Variants in LPA observed in about 807,000 individuals in gnomAD.
The protein encoded by LPA is apolipoprotein(a).
LPA carries 199 observed loss-of-function variants against 197.9 expected under a neutral mutation model. The ratio of observed to expected loss-of-function variants is 1.01; its 90% CI spans 0.90 to 1.13. LPA has a LOEUF of 1.13. Among genes scored for constraint, LPA ranks in the 50% most tolerant of loss-of-function variants. The pLI, the probability that LPA is intolerant of heterozygous loss-of-function variation, is 0.00. For synonymous variants in LPA, 715 were observed against 639.5 expected, an observed-to-expected ratio of 1.12 and a Z score of -1.78; for missense variants, 1,853 against 1,785.8, an observed-to-expected ratio of 1.04 and a Z score of -0.68.
intron 1 of LPA, 45 bp from the exon 2 acceptor site, chr6:160,650,542 A>C: frequency 6.3e-7 from 1 of 1,596,948 alleles, no homozygotes; most frequent in Non-Finnish European, 8.6e-7. Flanking sequence ...TTCTTAGAAC[A>C]GAAAAAAATG....
chr6:160,531,800 T>C lies in LPA; in HGVS notation c.6052A>G (p.Asn2018Asp). The change falls in exon 39 of 39, where the codon AAT becomes GAT. Residue 2018 changes from asparagine (N) to aspartate (D), a missense_variant. By Grantham distance (23) the Asn-to-Asp change is conservative (BLOSUM62 1). This residue lies in a region of LPA where 1,737 missense variants were observed against 1,504.4 expected (regional missense o/e 1.15). Coordinates refer to ENST00000316300, the MANE Select transcript of LPA (RefSeq NM_005577.4). ...TSWGLGCARP[N>D]KPGVYARVSR... ...ACACGAGCATAGACACCAGGCTTAT[T>C]GGGGCGTGCACAGCCAAGACCCCAA... is the stretch of plus-strand genomic sequence containing the variant. 1 of 1,614,152 alleles carries C rather than the reference T, an allele frequency of 6.2e-7. No individual in the cohort carries two copies. Among genetic ancestry groups the C allele is most frequent in the Non-Finnish European group, 8.5e-7 (1 of 1,179,994 alleles).
intron 28 of LPA, among the ~76,000 whole-genome samples, chr6:160,575,750 T>A (rs1778643165): frequency 6.6e-6 from 1 of 152,190 alleles, no homozygotes; most frequent in Non-Finnish European, 1.5e-5. Flanking sequence ...TTGAACTCAT[T>A]GTTCCCTTGT....
chr6:160,563,464 G>A (rs1444474605), intron 28 of LPA, among the ~76,000 whole-genome samples: 1 of 152,184 alleles, frequency 6.6e-6, no homozygotes, highest in East Asian at 1.9e-4. Flanking sequence ...TACGGCATTT[G>A]CTGAGAAGTG....
At chr6:160,552,862 C>T (rs1778188011) in intron 30 of LPA, among the ~76,000 whole-genome samples, 1 of 152,126 alleles carries the variant, frequency 6.6e-6, no homozygotes, top group Admixed American at 6.5e-5. Context: ...CAGTTTGTGT[C>T]TACAATAATG....
At position 160,611,594 on chromosome 6, in the gene LPA, C is replaced by T. The variant is rs369002488; in HGVS notation, c.2571G>A (p.Ser857=). 3.8e-5 allele frequency: 61 copies of T among 1,602,902 alleles called. 1 individual carries two copies. The African/African-American group carries it at 4.4e-4, about 12-fold the overall frequency. Residue 857 remains serine (S), a synonymous_variant, in exon 16 of 39, where the codon TCG becomes TCA. Coordinates refer to ENST00000316300, the MANE Select transcript of LPA (RefSeq NM_005577.4). ...GGTAGTATTCTGGGGTCCGACTATG[C>T]GAGTGTGGTGTCATAGATGACCAAG... ...CQAWSSMTPH[S]HSRTPEYYPN...
chr6:160,562,728 A>G (rs1007299922), intron 28 of LPA, among the ~76,000 whole-genome samples: 6 of 152,196 alleles, frequency 3.9e-5, no homozygotes, highest in Non-Finnish European at 1.5e-5. Context: ...GCTATTAATT[A>G]CTGCCTCGAT....
chr6:160,535,256 T>C (rs1469047088), intron 37 of LPA, among the ~76,000 whole-genome samples: 2 of 1,840 alleles, frequency 1.1e-3, no homozygotes, highest in South Asian at 0.011. Flanking sequence ...GCAGTGATAA[T>C]GGCAGTGGTG....
At chr6:160,567,568 C>T (rs1047972930) in intron 28 of LPA, among the ~76,000 whole-genome samples, 1 of 152,140 alleles carries the variant, frequency 6.6e-6, no homozygotes, top group Non-Finnish European at 1.5e-5. Context: ...GACACCCTAA[C>T]ATCACCATTA....
chr6:160,595,327 G>T, intron 21 of LPA, 27 bp downstream of exon 21: 2 of 1,610,236 alleles, frequency 1.2e-6, no homozygotes, highest in Admixed American at 1.7e-5. Flanking sequence ...GTCCTAGGGT[G>T]TGGTTGTCTG....
At chr6:160,571,598 C>T (rs1583586866) in intron 28 of LPA, among the ~76,000 whole-genome samples, 2 of 152,324 alleles carry the variant, frequency 1.3e-5, no homozygotes, top group Middle Eastern at 3.4e-3. Flanking sequence ...TAGAGAGGCA[C>T]TCTTGCTACA....
chr6:160,652,455 TA>T (rs775662297), intron 1 of LPA, among the ~76,000 whole-genome samples: 10 of 152,082 alleles, frequency 6.6e-5, no homozygotes, highest in African/African-American at 1.4e-4. Context: ...AAATCACTTT[TA>T]AAAACTGAAG....
chr6:160,601,192 T>A, intron 18 of LPA, 94 bp from the exon 19 acceptor site: 1 of 1,088,938 alleles, frequency 9.2e-7, no homozygotes, highest in Admixed American at 1.7e-5. Flanking sequence ...CTGGTGCCTT[T>A]GAAATATTCC....
At chr6:160,610,620 C>A (rs754358898) in intron 16 of LPA, among the ~76,000 whole-genome samples, 1 of 152,256 alleles carries the variant, frequency 6.6e-6, no homozygotes, top group East Asian at 1.9e-4. Flanking sequence ...CTGGAGGAGA[C>A]TTCTATGCGT....
intron 28 of LPA, among the ~76,000 whole-genome samples, chr6:160,569,420 C>T (rs1350394749): frequency 1.3e-5 from 2 of 151,728 alleles, no homozygotes; most frequent in Non-Finnish European, 1.5e-5. Context: ...GGGAAAACTG[C>T]CTAGCCATAT....
chr6:160,609,513 C>T (rs1779435150), intron 16 of LPA, among the ~76,000 whole-genome samples: 1 of 151,950 alleles, frequency 6.6e-6, no homozygotes, highest in South Asian at 2.1e-4. Flanking sequence ...TAGAGAAGTG[C>T]ATCATGTAGT....
chr6:160,580,732 G>C (rs1197690015), intron 26 of LPA, among the ~76,000 whole-genome samples: 2 of 152,164 alleles, frequency 1.3e-5, no homozygotes, highest in African/African-American at 4.8e-5. Flanking sequence ...GACTATTCAA[G>C]CCTGTTGCCC....
In LPA at chr6:160,531,528, C is replaced by G; in HGVS notation, c.*201G>C. ...AGTTTATTTTTAACAAATGTCATAG[C>G]TATGACACCTTAATACAGAATTTGT... On this transcript the variant is annotated 3_prime_UTR_variant, in exon 39 of 39. Coordinates refer to ENST00000316300, the MANE Select transcript of LPA (RefSeq NM_005577.4). 1 of 641,482 alleles carries G rather than the reference C, an allele frequency of 1.6e-6. No homozygotes were observed. The highest frequency in any genetic ancestry group is 2.8e-5 in the East Asian group (1 of 35,708). 39.7% of individuals were successfully genotyped at this position (641,482 alleles called of 1,614,324 possible).
At chr6:160,576,385 TA>T in intron 28 of LPA, among the ~76,000 whole-genome samples, 1 of 62,984 alleles carries the variant, frequency 1.6e-5, no homozygotes, top group East Asian at 4.9e-4. Flanking sequence ...TATATATATA[TA>T]TATGTATATA....
chr6:160,553,030 C>T (rs1312042526), intron 30 of LPA, among the ~76,000 whole-genome samples: 1 of 152,098 alleles, frequency 6.6e-6, no homozygotes, highest in African/African-American at 2.4e-5. Context: ...TAAACTATCA[C>T]ATTCAACCAT....
Sources: gnomAD v4.1 joint callset for allele counts (sites outside exome capture counted in the v4.1 genomes callset) on GRCh38, gnomAD v4.1.1 for gene constraint, gnomAD v4.1.1 regional missense constraint, MANE v1.5 for transcripts, NCBI Gene and HGNC (gene_info 2026-07-23, HGNC 2026-07-21) for gene names.